Variants in GCNT4 observed in about 807,000 individuals in gnomAD.
The protein encoded by GCNT4 is glucosaminyl (N-acetyl) transferase 4.
In GCNT4, 17 loss-of-function variants were observed where a neutral mutation model predicts 31.3. The observed-to-expected ratio is 0.54, with a 90% confidence interval of 0.37 to 0.81. The LOEUF is 0.81. Ranked by LOEUF, GCNT4 falls within the 40% of genes least tolerant of loss-of-function variation. The probability of loss-of-function intolerance (pLI) is 0.00; values close to 1 mark genes in which losing one functional copy is unlikely to be tolerated. For missense variants in GCNT4, 503 were observed against 525.5 expected (o/e 0.96, Z 0.42); for synonymous variants, 158 against 190.6 (o/e 0.83, Z 1.41).
At position 75,029,390 on chromosome 5, in the gene GCNT4, A is replaced by G. The variant is rs771649533; in HGVS notation, c.648T>C (p.Ser216=). Residue 216 remains serine (S), a synonymous_variant, in exon 4 of 4, where the codon TCT becomes TCC. Coordinates refer to ENST00000652361, the MANE Select transcript of GCNT4 (RefSeq NM_001366737.1). ...TGATAACATATTTCCACTGGATTGA[A>G]GACTTCAGAAGGTCCGACAAGCAAT... is the stretch of plus-strand genomic sequence containing the variant. The part of the protein sequence containing the change: ...DLNCLSDLLK[S]SIQWKYVINL... 3 of 1,614,206 alleles carry G rather than the reference A, an allele frequency of 1.9e-6. No individual in the cohort carries two copies. Among genetic ancestry groups the G allele is most frequent in the Non-Finnish European group, 2.5e-6 (3 of 1,180,038 alleles).
chr5:75,032,869 A>AGG (rs1554062279), intron 3 of GCNT4, among the ~76,000 whole-genome samples: 7 of 78,586 alleles, frequency 8.9e-5, no homozygotes, highest in Admixed American at 2.7e-4. Flanking sequence ...AATCCCAAAT[A>AGG]GGGGTGTGTG....
chr5:75,028,956 T>A lies in GCNT4; in HGVS notation c.1082A>T (p.Asp361Val). The A allele has an allele frequency of 6.2e-7, 1 of 1,613,996 alleles. No homozygotes were observed. The highest frequency in any genetic ancestry group is 1.1e-5 in the South Asian group (1 of 91,070). The change falls in exon 4 of 4, where the codon GAT becomes GTT. Residue 361 changes from aspartate to valine, a missense_variant. By Grantham distance (152) the Asp-to-Val change is radical. Coordinates refer to ENST00000652361, the MANE Select transcript of GCNT4 (RefSeq NM_001366737.1). ...EISRSAQDVS[D>V]LQSKTRLVKW... Reference sequence around the variant, plus strand: ...GACAAGGCGAGTCTTACTCTGCAGATCAGACACATCCTGGGCTGATCTGGA... The same window carrying A: ...GACAAGGCGAGTCTTACTCTGCAGAACAGACACATCCTGGGCTGATCTGGA...
At chr5:75,046,117 T>C (rs1427543113) in intron 3 of GCNT4, among the ~76,000 whole-genome samples, 2 of 152,212 alleles carry the variant, frequency 1.3e-5, no homozygotes, top group Non-Finnish European at 2.9e-5. Context: ...TTTTTCACAT[T>C]GTAACTCTGC....
chr5:75,038,069 A>AT lies in GCNT4; in HGVS notation c.-1-8032dup, dbSNP rs202239305. Among the ~76,000 whole-genome samples, 400 of 148,022 alleles carry AT rather than the reference A, an allele frequency of 2.7e-3. 9 individuals carry two copies. The East Asian group carries it at 0.045, about 17-fold the overall frequency. ...CTTCCAGACTGGTTTTAAGAAACAC[A>AT]TTTTTTTTTTGGCTTTGCTTTATAA... On this transcript the variant is annotated intron_variant, in intron 3 of 3. Coordinates refer to ENST00000652361, the MANE Select transcript of GCNT4 (RefSeq NM_001366737.1).
upstream of GCNT4, among the ~76,000 whole-genome samples, chr5:75,053,041 T>A (rs921832433): frequency 6.6e-5 from 10 of 151,708 alleles, no homozygotes; most frequent in Non-Finnish European, 1.5e-4. Flanking sequence ...GCGGCTCCAC[T>A]CCGCCCGCGA....
At chr5:75,019,460 A>G in the GCNT4 span, among the ~76,000 whole-genome samples, 1 of 152,226 alleles carries the variant, frequency 6.6e-6, no homozygotes, top group Non-Finnish European at 1.5e-5. Flanking sequence ...AATGCTCACC[A>G]GGACCAGCGC....
chr5:75,021,378 G>T (rs1301716161), downstream of GCNT4, among the ~76,000 whole-genome samples: 1 of 152,206 alleles, frequency 6.6e-6, no homozygotes, highest in African/African-American at 2.4e-5. Context: ...GCCCCGTTTA[G>T]ATCAGGCGCC....
intron 3 of GCNT4, 113 bp from the exon 4 acceptor site, chr5:75,030,151 G>T: frequency 1.1e-6 from 1 of 941,840 alleles, no homozygotes; most frequent in Non-Finnish European, 1.6e-6. Flanking sequence ...CCCCAAAGAT[G>T]AATGAAACAA....
chr5:75,052,748 G>A (rs1304893213), upstream of GCNT4: 3 of 152,224 alleles, frequency 2.0e-5, no homozygotes, highest in East Asian at 5.8e-4. Context: ...CCGAAGCCCA[G>A]GGGCGGGGGC....
downstream of GCNT4, among the ~76,000 whole-genome samples, chr5:75,024,533 G>A (rs577673298): frequency 7.9e-5 from 12 of 152,230 alleles, no homozygotes; most frequent in South Asian, 1.7e-3. Flanking sequence ...GCGGGTGGGG[G>A]TTGATGATAA....
At chr5:75,048,249 T>C (rs562160886) in intron 2 of GCNT4, among the ~76,000 whole-genome samples, 28 of 152,030 alleles carry the variant, frequency 1.8e-4, no homozygotes, top group African/African-American at 5.6e-4. Flanking sequence ...AGCACCCAAA[T>C]TGGCAAAGGA....
At chr5:75,017,582 T>C in the GCNT4 span, 2 of 152,260 alleles carry the variant, frequency 1.3e-5, no homozygotes, top group African/African-American at 4.8e-5. Context: ...CAGCTTTTTT[T>C]CTTGTTGAGA....
At chr5:75,023,559 C>T (rs539286790), downstream of GCNT4, among the ~76,000 whole-genome samples, 11 of 151,856 alleles carry the variant, frequency 7.2e-5, no homozygotes, top group East Asian at 1.5e-3. Flanking sequence ...AAATGTCCTA[C>T]AGTAAAGTAG....
chr5:75,032,872 G>GGTGGGGGTGTGTGTGT (rs55942109), intron 3 of GCNT4, among the ~76,000 whole-genome samples: 1 of 130,646 alleles, frequency 7.7e-6, no homozygotes, highest in Non-Finnish European at 1.7e-5. Context: ...CCCAAATAGG[G>GGTGGGGGTGTGTGTGT]GTGTGTGTGT....
chr5:75,016,993 A>T, the GCNT4 span, among the ~76,000 whole-genome samples: 1 of 152,216 alleles, frequency 6.6e-6, no homozygotes, highest in South Asian at 2.1e-4. Context: ...AGGAGAGATG[A>T]GACATGAGGA....
chr5:75,050,580 C>T (rs1743546942), intron 2 of GCNT4, among the ~76,000 whole-genome samples: 1 of 152,140 alleles, frequency 6.6e-6, no homozygotes, highest in Non-Finnish European at 1.5e-5. Flanking sequence ...ACTATGTGGC[C>T]ACTAGGGAAG....
chr5:75,045,758 G>A (rs76172337), intron 3 of GCNT4, among the ~76,000 whole-genome samples: 1 of 152,306 alleles, frequency 6.6e-6, no homozygotes, highest in East Asian at 1.9e-4. Flanking sequence ...GTTAGATTCT[G>A]GAGAGATACA....
intron 3 of GCNT4, among the ~76,000 whole-genome samples, chr5:75,047,045 C>T (rs534396696): frequency 1.3e-5 from 2 of 152,344 alleles, no homozygotes; most frequent in African/African-American, 4.8e-5. Flanking sequence ...ACTACCCTAG[C>T]CCAGGCCTCT....
chr5:75,022,079 G>A (rs1168563190), downstream of GCNT4, among the ~76,000 whole-genome samples: 1 of 152,108 alleles, frequency 6.6e-6, no homozygotes, highest in East Asian at 1.9e-4. Flanking sequence ...GCTGGGTAGA[G>A]GCCATCTCAC....
Sources: gnomAD v4.1 joint callset for allele counts (sites outside exome capture counted in the v4.1 genomes callset) on GRCh38, gnomAD v4.1.1 for gene constraint, MANE v1.5 for transcripts, NCBI Gene and HGNC (gene_info 2026-07-23, HGNC 2026-07-21) for gene names.